IL1RAPL2: variants seen among roughly 807,000 people sequenced by gnomAD.
The protein encoded by IL1RAPL2 is interleukin 1 receptor accessory protein like 2.
IL1RAPL2 carries 3 observed loss-of-function variants against 44.1 expected under a neutral mutation model. That is an observed-to-expected ratio of 0.07 (90% confidence interval 0.03 to 0.18). The LOEUF (loss-of-function observed/expected upper bound fraction) is 0.18, where lower values mean the gene tolerates loss of function less well. Among genes scored for constraint, IL1RAPL2 ranks in the 10% least tolerant of loss-of-function variants. IL1RAPL2 has a pLI of 1.00. For synonymous variants in IL1RAPL2, 181 were observed against 178.8 expected (o/e 1.01, Z -0.10); for missense variants, 391 against 496.4 (o/e 0.79, Z 2.02).
chrX:104,914,178 A>G (rs775005306), intron 2 of IL1RAPL2, among the ~76,000 whole-genome samples: 1 of 111,496 alleles, frequency 9.0e-6, no homozygotes, highest in South Asian at 3.8e-4. Flanking sequence ...TTTACTAAAA[A>G]CAAACAAACA....
Position 104,707,285 on chromosome X carries a change from C to A in IL1RAPL2, c.82+48290C>A, listed in dbSNP as rs753017325. Reference sequence around the variant, plus strand: ...TAGCCTACTCTTTTGGGTAATCTATCAAAAGGGAAAGGGTACTTCACACTT... The same window carrying A: ...TAGCCTACTCTTTTGGGTAATCTATAAAAAGGGAAAGGGTACTTCACACTT... On this transcript the variant is annotated intron_variant, in intron 2 of 10. Transcript: ENST00000372582. 9.0e-5 allele frequency among the ~76,000 whole-genome samples: 10 copies of A among 111,413 alleles called. No homozygotes were observed. The East Asian group carries it at 2.9e-3, about 32-fold the overall frequency.
intron 4 of IL1RAPL2, among the ~76,000 whole-genome samples, chrX:105,251,265 G>A (rs1242763563): frequency 7.4e-5 from 8 of 108,229 alleles, no homozygotes; most frequent in East Asian, 5.8e-4. Context: ...TCATAATACC[G>A]CAGCCTGAAT....
intron 6 of IL1RAPL2, among the ~76,000 whole-genome samples, chrX:105,671,033 C>T (rs910989006): frequency 2.7e-5 from 3 of 109,818 alleles, no homozygotes; most frequent in South Asian, 3.8e-4. Context: ...CTGCAACCTC[C>T]GCCTCCCAGG....
At chrX:104,632,986 A>G (rs1014500075) in intron 1 of IL1RAPL2, among the ~76,000 whole-genome samples, 2 of 111,352 alleles carry the variant, frequency 1.8e-5, no homozygotes, top group East Asian at 2.8e-4. Context: ...TTTGTCATAG[A>G]TAGTTCTTAT....
At chrX:104,888,224 G>T (rs112075491) in intron 2 of IL1RAPL2, among the ~76,000 whole-genome samples, 1 of 92,520 alleles carries the variant, frequency 1.1e-5, no homozygotes, top group Non-Finnish European at 2.2e-5. Context: ...AAGAGAGAAA[G>T]AGACAGAAAG....
Position 105,110,851 on chromosome X carries a change from C to T in IL1RAPL2, c.83-84624C>T, listed in dbSNP as rs764545016. Among the ~76,000 whole-genome samples, 26 of 111,101 alleles carry T rather than the reference C, an allele frequency of 2.3e-4. No individual in the cohort carries two copies. In the South Asian group the frequency reaches 3.1e-3, roughly 13 times the overall value. On this transcript the variant is annotated intron_variant, in intron 2 of 10. Transcript: ENST00000372582. ...ACTCGGGAGGCCAAGGCAGGAGAAC[C>T]GCTTGAACCCAGGAGACAGAGGTTG... is the stretch of plus-strand genomic sequence containing the variant.
In IL1RAPL2 at chrX:105,767,729, T is replaced by G; in HGVS notation, c.*68T>G. 1.3e-6 allele frequency: 1 copy of G among 768,523 alleles called. No homozygotes were observed. The highest frequency in any genetic ancestry group is 1.9e-6 in the Non-Finnish European group (1 of 516,535). The allele number at this position is 768,523 out of a possible 1,213,427, so 63.3% of individuals were successfully genotyped here. ...AATTTCTGTTATACCAAGCATAAAG[T>G]ACACCTAATAACGTTGTGTTAAAAA... is the stretch of plus-strand genomic sequence containing the variant. On this transcript the variant is annotated 3_prime_UTR_variant, in exon 11 of 11. Transcript: ENST00000372582.
intron 5 of IL1RAPL2, among the ~76,000 whole-genome samples, chrX:105,451,566 C>T (rs1330454142): frequency 9.0e-6 from 1 of 111,627 alleles, no homozygotes; most frequent in Non-Finnish European, 1.9e-5. Context: ...TATCTCTTAG[C>T]CTTCTTAGTA....
At chrX:105,193,005 A>G (rs1254476795) in intron 2 of IL1RAPL2, among the ~76,000 whole-genome samples, 3 of 111,879 alleles carry the variant, frequency 2.7e-5, no homozygotes, top group Admixed American at 1.9e-4. Flanking sequence ...TGTAATGGCA[A>G]TTAAATGTCT....
chrX:105,080,204 G>A (rs757582527), intron 2 of IL1RAPL2, among the ~76,000 whole-genome samples: 11 of 112,005 alleles, frequency 9.8e-5, no homozygotes, highest in African/African-American at 3.6e-4. Context: ...CTTTTGCTGT[G>A]CAGAAGCTCT....
intron 2 of IL1RAPL2, among the ~76,000 whole-genome samples, chrX:104,739,977 G>A (rs1054225478): frequency 9.0e-6 from 1 of 111,469 alleles, no homozygotes; most frequent in African/African-American, 3.3e-5. Context: ...TGGGGATGGT[G>A]AGGAACATTG....
chrX:104,710,872 A>G (rs755515378), intron 2 of IL1RAPL2, among the ~76,000 whole-genome samples: 19 of 111,525 alleles, frequency 1.7e-4, no homozygotes, highest in African/African-American at 6.2e-4. Context: ...AATTATGTAC[A>G]GTACTTAATG....
chrX:105,570,343 G>T (rs2037005654), intron 6 of IL1RAPL2, among the ~76,000 whole-genome samples: 1 of 111,854 alleles, frequency 8.9e-6, no homozygotes, highest in Admixed American at 9.5e-5. Context: ...ATATCCACTC[G>T]TTGGTTAATA....
At chrX:104,634,847 A>T (rs1476923319) in intron 1 of IL1RAPL2, among the ~76,000 whole-genome samples, 1 of 111,607 alleles carries the variant, frequency 9.0e-6, no homozygotes, top group Non-Finnish European at 1.9e-5. Context: ...TTTACATTTA[A>T]GGTTAATATT....
At chrX:104,953,200 A>G (rs1925631699) in intron 2 of IL1RAPL2, among the ~76,000 whole-genome samples, 1 of 111,844 alleles carries the variant, frequency 8.9e-6, no homozygotes, top group South Asian at 3.7e-4. Flanking sequence ...GAATTGAGGA[A>G]GTCTTAGCCC....
At chrX:105,176,966 A>G (rs2033479761) in intron 2 of IL1RAPL2, among the ~76,000 whole-genome samples, 1 of 111,428 alleles carries the variant, frequency 9.0e-6, no homozygotes, top group Non-Finnish European at 1.9e-5. Flanking sequence ...GAACAGATAC[A>G]TGAAGAACAC....
chrX:105,657,921 C>T (rs1372314271), intron 6 of IL1RAPL2, among the ~76,000 whole-genome samples: 2 of 109,726 alleles, frequency 1.8e-5, no homozygotes, highest in Admixed American at 9.7e-5. Context: ...AGCCTATCCT[C>T]GTTAATCCAA....
intron 5 of IL1RAPL2, among the ~76,000 whole-genome samples, chrX:105,392,111 G>A (rs748538452): frequency 1.4e-3 from 152 of 107,414 alleles, no homozygotes; most frequent in African/African-American, 4.2e-3. Context: ...TAACCTGCAT[G>A]TTGTGCACAT....
intron 6 of IL1RAPL2, among the ~76,000 whole-genome samples, chrX:105,697,501 C>T (rs147423393): frequency 1.9e-3 from 212 of 110,529 alleles, no homozygotes; most frequent in African/African-American, 6.7e-3. Context: ...GCGATGTGTA[C>T]GGAGAGAGAT....
Sources: gnomAD v4.1 joint callset for allele counts (sites outside exome capture counted in the v4.1 genomes callset) on GRCh38, gnomAD v4.1.1 for gene constraint, MANE v1.5 for transcripts, NCBI Gene and HGNC (gene_info 2026-07-23, HGNC 2026-07-21) for gene names.